The following UTRN variants were observed in gnomAD, a reference collection of about 807,000 sequenced individuals.
UTRN encodes the protein utrophin, also known as dystrophin-related protein 1.
In UTRN, 283 loss-of-function variants were observed where a neutral mutation model predicts 463.9. That is an observed-to-expected ratio of 0.61 (90% confidence interval 0.55 to 0.67). The LOEUF (loss-of-function observed/expected upper bound fraction) is 0.67, where lower values mean the gene tolerates loss of function less well. UTRN is among the 30% of genes least tolerant of loss of function. The probability of loss-of-function intolerance (pLI) is 0.00; values close to 1 mark genes in which losing one functional copy is unlikely to be tolerated. For missense variants in UTRN, 3,922 were observed against 4,084.3 expected (o/e 0.96, Z 1.08); for synonymous variants, 1,442 against 1,431.5 (o/e 1.01, Z -0.17).
intron 53 of UTRN, among the ~76,000 whole-genome samples, chr6:144,715,385 G>A (rs1786287761): frequency 6.6e-6 from 1 of 152,134 alleles, no homozygotes. Context: ...CAACCAGAGT[G>A]TTCCTATTAA....
intron 58 of UTRN, among the ~76,000 whole-genome samples, chr6:144,758,607 C>T (rs1039022285): frequency 6.6e-6 from 1 of 152,070 alleles, no homozygotes; most frequent in African/African-American, 2.4e-5. Flanking sequence ...GTTTCTTCTT[C>T]TTATATGACA....
At chr6:144,735,229 GAGA>G (rs1789241073) in intron 54 of UTRN, among the ~76,000 whole-genome samples, 1 of 152,198 alleles carries the variant, frequency 6.6e-6, no homozygotes, top group Non-Finnish European at 1.5e-5. Context: ...CATTCCAGGA[GAGA>G]AGGACTCTGA....
At chr6:144,645,263 A>G (rs1319395180) in intron 51 of UTRN, among the ~76,000 whole-genome samples, 1 of 152,196 alleles carries the variant, frequency 6.6e-6, no homozygotes, top group Non-Finnish European at 1.5e-5. Context: ...GGACACTCTA[A>G]GGAATTATTT....
chr6:144,696,338 A>G (rs951449008), intron 52 of UTRN, among the ~76,000 whole-genome samples: 7 of 152,184 alleles, frequency 4.6e-5, no homozygotes, highest in African/African-American at 1.7e-4. Flanking sequence ...AATTGCTGCT[A>G]GCCATATGTG....
intron 48 of UTRN, among the ~76,000 whole-genome samples, chr6:144,553,837 G>C (rs889955631): frequency 3.3e-5 from 5 of 151,726 alleles, no homozygotes; most frequent in Non-Finnish European, 7.4e-5. Context: ...TTGTACCTGG[G>C]GGCGGAGGTT....
rs1784338495 is a variant in UTRN at position 144,699,431 on chromosome 6, C to T, written c.7653-656C>T. 3.3e-5 allele frequency among the ~76,000 whole-genome samples: 4 copies of T among 120,326 alleles called. No individual in the cohort carries two copies. The Admixed American group carries it at 4.3e-4, about 13-fold the overall frequency. 78.9% of individuals were successfully genotyped at this position (120,326 alleles called of 152,430 possible). A position where few individuals can be genotyped will look rare whatever the true frequency, so the allele number is the denominator to read the frequency against. On this transcript the variant is annotated intron_variant, in intron 52 of 74. Transcript: ENST00000367545. ...CTCCAGCCTGGGTGACAGAGCAATA[C>T]TCTGTCTCAAAAAAAAAAATAATAA...
At chr6:144,432,236 C>G (rs564067358) in intron 9 of UTRN, among the ~76,000 whole-genome samples, 1 of 152,302 alleles carries the variant, frequency 6.6e-6, no homozygotes, top group South Asian at 2.1e-4. Context: ...TGCAGGTTCC[C>G]CTCTGTTAAA....
At chr6:144,643,260 AG>A in intron 51 of UTRN, among the ~76,000 whole-genome samples, 1 of 152,254 alleles carries the variant, frequency 6.6e-6, no homozygotes, top group East Asian at 1.9e-4. Context: ...GAGTCATGGA[AG>A]TTGGTAGGGG....
intron 58 of UTRN, among the ~76,000 whole-genome samples, chr6:144,763,165 G>A (rs545734920): frequency 6.6e-6 from 1 of 152,254 alleles, no homozygotes; most frequent in African/African-American, 2.4e-5. Flanking sequence ...TACCATGCAT[G>A]TCACATTTTC....
In UTRN at chr6:144,797,972, G is replaced by A; in HGVS notation, c.9227G>A (p.Cys3076Tyr). The A allele has an allele frequency of 6.2e-7, 1 of 1,614,106 alleles. No individual in the cohort carries two copies. The highest frequency in any genetic ancestry group is 8.5e-7 in the Non-Finnish European group (1 of 1,180,010). The change falls in exon 64 of 75, where the codon TGT becomes TAT. Residue 3076 changes from cysteine to tyrosine, a missense_variant. By Grantham distance (194) the Cys-to-Tyr change is radical (BLOSUM62 -2). Around this residue, in one of 3 missense-constraint regions of UTRN, gnomAD observed 1,309 missense variants for 1,452.6 expected, o/e 0.90. Transcript: ENST00000367545. ...GCCAAATGCAACATCTGTAAAGAAT[G>A]TCCAATTGTCGGGTTCAGGTAAGGC... ...HQAKCNICKE[C>Y]PIVGFRYRSL...
In UTRN at chr6:144,732,257, T is replaced by TATATATATACATATATATATATAC. The variant is rs1562832796; in HGVS notation, c.7939+1772_7939+1773insTATATATACATATATATATATACA. ...ATATATACATATATATATATATATATACACACATATATATATATATACACA... is the reference window on the plus strand; with the variant it reads ...ATATATACATATATATATATATATATATATATATACATATATATATATACACACACATATATATATATATACACA... On this transcript the variant is annotated intron_variant, in intron 54 of 74. Coordinates refer to ENST00000367545, the MANE Select transcript of UTRN (RefSeq NM_007124.3). Among the ~76,000 whole-genome samples, 4 of 85,500 alleles carry TATATATATACATATATATATATAC rather than the reference T, an allele frequency of 4.7e-5. No homozygotes were observed. In the South Asian group the frequency reaches 1.7e-3, roughly 36 times the overall value. The allele number at this position is 85,500 out of a possible 152,430, so 56.1% of individuals were successfully genotyped here.
At chr6:144,511,180 T>TA (rs1385906924) in intron 35 of UTRN, 57 bp downstream of exon 35, 12 of 1,381,814 alleles carry the variant, frequency 8.7e-6, no homozygotes, top group Middle Eastern at 2.1e-4. Context: ...AGTTATTTTT[T>TA]AAATGAATAC....
intron 53 of UTRN, among the ~76,000 whole-genome samples, chr6:144,725,204 A>G (rs960006458): frequency 6.6e-6 from 1 of 152,178 alleles, no homozygotes; most frequent in African/African-American, 2.4e-5. Flanking sequence ...TATAAAGGAG[A>G]GTTCCCCAGC....
intron 26 of UTRN, among the ~76,000 whole-genome samples, chr6:144,481,180 A>C (rs922272937): frequency 2.0e-5 from 3 of 152,338 alleles, no homozygotes; most frequent in Admixed American, 6.5e-5. Context: ...TTACAAAACC[A>C]CTACACTTAA....
intron 53 of UTRN, among the ~76,000 whole-genome samples, chr6:144,727,862 G>C (rs1695188009): frequency 6.6e-6 from 1 of 152,152 alleles, no homozygotes; most frequent in African/African-American, 2.4e-5. Flanking sequence ...GGCCAAGGCA[G>C]GTGGATCACC....
At chr6:144,645,586 CAA>C (rs1477191741) in intron 51 of UTRN, among the ~76,000 whole-genome samples, 4 of 151,988 alleles carry the variant, frequency 2.6e-5, no homozygotes, top group Non-Finnish European at 5.9e-5. Context: ...TGATTAATAA[CAA>C]GAGACAGAAT....
At position 144,851,055 on chromosome 6, in the gene UTRN, T is replaced by C; in HGVS notation, c.*58T>C. 6.2e-7 allele frequency: 1 copy of C among 1,611,390 alleles called. No individual in the cohort carries two copies. The highest frequency in any genetic ancestry group is 8.5e-7 in the Non-Finnish European group (1 of 1,177,636). ...GTACAGTGTTGCCCTTTTCAGCAAATGCCAATTCCAAGTTCCATTAAATCA... is the reference window on the plus strand; with the variant it reads ...GTACAGTGTTGCCCTTTTCAGCAAACGCCAATTCCAAGTTCCATTAAATCA... On this transcript the variant is annotated 3_prime_UTR_variant, in exon 75 of 75. Coordinates refer to ENST00000367545, the MANE Select transcript of UTRN (RefSeq NM_007124.3).
intron 23 of UTRN, among the ~76,000 whole-genome samples, chr6:144,464,855 C>T (rs1279983503): frequency 6.6e-6 from 1 of 152,136 alleles, no homozygotes; most frequent in Non-Finnish European, 1.5e-5. Context: ...TGCAATTGTT[C>T]CCGGCTTTCA....
At chr6:144,719,060 C>T (rs1186591748) in intron 53 of UTRN, among the ~76,000 whole-genome samples, 1 of 152,198 alleles carries the variant, frequency 6.6e-6, no homozygotes, top group Non-Finnish European at 1.5e-5. Context: ...AAGGGGAAGA[C>T]TACTTCCTTC....
Sources: allele counts gnomAD v4.1 joint callset (sites outside exome capture counted in the v4.1 genomes callset), GRCh38; gene constraint gnomAD v4.1.1; regional missense constraint gnomAD v4.1.1; transcripts MANE v1.5; gene names NCBI Gene and HGNC (gene_info 2026-07-23, HGNC 2026-07-21).